Variants in RYR2 observed in about 807,000 individuals in gnomAD.
RYR2 encodes ryanodine receptor 2.
A neutral mutation model predicts 601.1 loss-of-function variants in RYR2; 227 were observed. That is an observed-to-expected ratio of 0.38 (90% CI 0.34 to 0.42). The LOEUF is 0.42. RYR2 is among the 10% of genes least tolerant of loss of function. RYR2 has a pLI of 1.00. For synonymous variants in RYR2, 2,223 were observed against 2,175.1 expected, an observed-to-expected ratio of 1.02 and a Z score of -0.61; for missense variants, 4,646 against 6,156.5, an observed-to-expected ratio of 0.75 and a Z score of 8.21.
In RYR2 at chr1:237,172,759, A is replaced by G. The variant is rs115686532; in HGVS notation, c.49-97738A>G. Among the ~76,000 whole-genome samples, 952 of 152,262 alleles carry G rather than the reference A, an allele frequency of 6.3e-3. 9 individuals carry two copies. Among genetic ancestry groups the G allele is most frequent in the South Asian group, 0.033 (158 of 4,826 alleles). ...TAGGATTTGCTGGCATCATCTGGTT[A>G]TGAATGTGACTGTGGGGCCCCAGGG... On this transcript the variant is annotated intron_variant, in intron 1 of 104. Transcript: ENST00000366574.
At chr1:237,049,514 C>T (rs1460571032) in intron 1 of RYR2, among the ~76,000 whole-genome samples, 2 of 152,030 alleles carry the variant, frequency 1.3e-5, no homozygotes, top group Admixed American at 6.5e-5. Flanking sequence ...TTGTCATGTT[C>T]GTAGTCTTAG....
Position 237,614,910 on chromosome 1 carries a change from T to A in RYR2, c.5715+67T>A, listed in dbSNP as rs1573128344. 1.4e-6 allele frequency: 2 copies of A among 1,439,504 alleles called. No homozygotes were observed. Among genetic ancestry groups the A allele is most frequent in the East Asian group, 4.7e-5 (2 of 42,786 alleles). 89.2% of individuals were successfully genotyped at this position (1,439,504 alleles called of 1,614,324 possible). A position where few individuals can be genotyped will look rare whatever the true frequency, so the allele number is the denominator to read the frequency against. ...AGCATTAAGGTATTAGAACATGCCTTTGTTTCTTTCTCTGTGTGTGTGTTT... is the reference window on the plus strand; with the variant it reads ...AGCATTAAGGTATTAGAACATGCCTATGTTTCTTTCTCTGTGTGTGTGTTT... On this transcript the variant is annotated intron_variant, in intron 37 of 104. Transcript: ENST00000366574. The surrounding 1 kb of genome is among the most constrained non-coding windows in gnomAD (Gnocchi z 4.3).
chr1:237,742,268 TC>T (rs35446101), intron 79 of RYR2, 27 bp from the exon 80 acceptor site: 2 of 1,352,476 alleles, frequency 1.5e-6, no homozygotes, highest in Admixed American at 4.7e-5. Flanking sequence ...TATTCCTGTC[TC>T]CTTTTTTTTT....
At chr1:237,105,976 C>A (rs1363424950) in intron 1 of RYR2, among the ~76,000 whole-genome samples, 1 of 152,050 alleles carries the variant, frequency 6.6e-6, no homozygotes, top group Non-Finnish European at 1.5e-5. Context: ...CAGCCAGTGC[C>A]AGCACCAACG....
chr1:237,333,808 G>A (rs1341162240), intron 3 of RYR2, among the ~76,000 whole-genome samples: 1 of 152,042 alleles, frequency 6.6e-6, no homozygotes, highest in Non-Finnish European at 1.5e-5. Context: ...TGTGTAGTTT[G>A]CTTAAATGAA....
intron 2 of RYR2, among the ~76,000 whole-genome samples, chr1:237,310,287 G>C (rs1015015273): frequency 6.6e-6 from 1 of 152,182 alleles, no homozygotes; most frequent in African/African-American, 2.4e-5. Context: ...AATTCAGTGG[G>C]TTGTGGGAAT....
At chr1:237,813,106 G>A (rs921471317) in intron 100 of RYR2, among the ~76,000 whole-genome samples, 1 of 152,072 alleles carries the variant, frequency 6.6e-6, no homozygotes, top group African/African-American at 2.4e-5. Context: ...TTTAATATCA[G>A]CTGTGCTCAG....
intron 98 of RYR2, among the ~76,000 whole-genome samples, chr1:237,802,863 T>G (rs1421885090): frequency 6.6e-6 from 1 of 152,230 alleles, no homozygotes; most frequent in Admixed American, 6.5e-5. Context: ...CATCTTGCTT[T>G]GTAGTTTTTT....
rs564218076 is a variant in RYR2 at position 237,427,390 on chromosome 1, T to A, written c.1005+4142T>A. Among the ~76,000 whole-genome samples the A allele has an allele frequency of 2.3e-4, 35 of 152,234 alleles. No individual in the cohort carries two copies. The South Asian group carries it at 6.2e-3, about 27-fold the overall frequency. On this transcript the variant is annotated intron_variant, in intron 12 of 104. Transcript: ENST00000366574. ...TATCACAATTTAAAATTAAAATAATTTCATATTTGGGCATGCAGCATAAAT... is the reference window on the plus strand; with the variant it reads ...TATCACAATTTAAAATTAAAATAATATCATATTTGGGCATGCAGCATAAAT...
chr1:237,210,932 G>A (rs1344451773), intron 1 of RYR2, among the ~76,000 whole-genome samples: 1 of 152,180 alleles, frequency 6.6e-6, no homozygotes, highest in African/African-American at 2.4e-5. Flanking sequence ...GGATATTTCT[G>A]TTGGAAAATG....
intron 97 of RYR2, among the ~76,000 whole-genome samples, chr1:237,801,347 A>G (rs952919168): frequency 5.6e-5 from 8 of 143,418 alleles, no homozygotes; most frequent in Non-Finnish European, 1.2e-4. Context: ...CCTGGCCAAC[A>G]TGATGAAACC....
intron 14 of RYR2, among the ~76,000 whole-genome samples, chr1:237,450,585 T>C (rs1657968404): frequency 6.6e-6 from 1 of 152,198 alleles, no homozygotes; most frequent in Non-Finnish European, 1.5e-5. Flanking sequence ...TCCTGCCCTG[T>C]CACTTTGTCT....
intron 25 of RYR2, 73 bp from the exon 26 acceptor site, chr1:237,548,358 C>G: frequency 6.7e-7 from 1 of 1,502,358 alleles, no homozygotes; most frequent in Non-Finnish European, 9.1e-7. Context: ...GAGGTAGGGC[C>G]AGAAAATGAT....
chr1:237,422,811 A>G (rs989614025), intron 11 of RYR2, among the ~76,000 whole-genome samples: 1 of 152,298 alleles, frequency 6.6e-6, no homozygotes, highest in East Asian at 1.9e-4. Context: ...TTATCTTTGC[A>G]TAGAATAGGG....
intron 92 of RYR2, among the ~76,000 whole-genome samples, chr1:237,788,478 G>A (rs1657926940): frequency 6.6e-6 from 1 of 152,168 alleles, no homozygotes; most frequent in African/African-American, 2.4e-5. Flanking sequence ...AAAGCAAGAT[G>A]TGCCTTCTAG....
intron 1 of RYR2, among the ~76,000 whole-genome samples, chr1:237,096,760 C>T (rs1031150556): frequency 6.6e-6 from 1 of 152,186 alleles, no homozygotes; most frequent in Non-Finnish European, 1.5e-5. Context: ...CAGAAGAGTA[C>T]AAACTGAGCT....
chr1:237,074,719 A>T (rs187225000), intron 1 of RYR2, among the ~76,000 whole-genome samples: 1 of 152,178 alleles, frequency 6.6e-6, no homozygotes, highest in Non-Finnish European at 1.5e-5. Context: ...TTCTTCGCCC[A>T]GTGTAAGAGT....
chr1:237,548,462 C>T lies in RYR2; in HGVS notation c.2938C>T (p.Pro980Ser). 3 of 1,613,930 alleles carry T rather than the reference C, an allele frequency of 1.9e-6. No individual in the cohort carries two copies. Among genetic ancestry groups the T allele is most frequent in the Non-Finnish European group, 2.5e-6 (3 of 1,179,876 alleles). The change falls in exon 26 of 105, where the codon CCT (proline) becomes TCT (serine). Residue 980 changes from proline (P) to serine (S), a missense_variant. Physicochemically the swap from Pro to Ser is moderately conservative, Grantham distance 74. Coordinates refer to ENST00000366574, the MANE Select transcript of RYR2 (RefSeq NM_001035.3). ...GCTGACAAGTGGATACAAGCCTGCCCCTATGGACCTGAGCTTTATCAAACT... is the reference window on the plus strand; with the variant it reads ...GCTGACAAGTGGATACAAGCCTGCCTCTATGGACCTGAGCTTTATCAAACT... ...YQLTSGYKPAPMDLSFIKLTP... is the reference protein window; with the variant it reads ...YQLTSGYKPASMDLSFIKLTP...
chr1:237,172,055 G>T (rs1178858964), intron 1 of RYR2, among the ~76,000 whole-genome samples: 1 of 152,232 alleles, frequency 6.6e-6, no homozygotes, highest in African/African-American at 2.4e-5. Context: ...TTTGAGAAGA[G>T]AGGAGGAAAT....
Sources: gnomAD v4.1 joint callset for allele counts (sites outside exome capture counted in the v4.1 genomes callset) on GRCh38, gnomAD v4.1.1 for gene constraint, Gnocchi (gnomAD v3.1) non-coding constraint, MANE v1.5 for transcripts, NCBI Gene and HGNC (gene_info 2026-07-23, HGNC 2026-07-21) for gene names.